The following BPIFB3 variants were observed in gnomAD, a reference collection of about 807,000 sequenced individuals.
BPIFB3 encodes BPI fold-containing family B member 3.
A neutral mutation model predicts 53.1 loss-of-function variants in BPIFB3; 49 were observed. The ratio of observed to expected loss-of-function variants is 0.92; its 90% CI spans 0.73 to 1.17. BPIFB3 has a LOEUF of 1.17. Among genes scored for constraint, BPIFB3 ranks in the 50% most tolerant of loss-of-function variants. The pLI is 0.00. For synonymous variants in BPIFB3, 271 were observed against 269.6 expected, an observed-to-expected ratio of 1.01 and a Z score of -0.05; for missense variants, 628 against 592.5, an observed-to-expected ratio of 1.06 and a Z score of -0.62.
rs967388207 is a variant in BPIFB3 at position 33,073,518 on chromosome 20, C to T, written c.1402-58C>T. The T allele has an allele frequency of 6.3e-6, 10 of 1,599,716 alleles. No individual in the cohort carries two copies. In the African/African-American group the frequency reaches 1.3e-4, roughly 21 times the overall value. ...CAGGGCAGGGGAGTAAAGATGGCTG[C>T]AGGGATGGGGCATTGCAGAGACTCA... On this transcript the variant is annotated intron_variant, in intron 14 of 14. Coordinates refer to ENST00000375494, the Ensembl canonical transcript of BPIFB3.
intron 9 of BPIFB3, among the ~76,000 whole-genome samples, chr20:33,068,309 T>TG (rs1980747306): frequency 6.6e-6 from 1 of 152,220 alleles, no homozygotes; most frequent in Non-Finnish European, 1.5e-5. Flanking sequence ...CATGGTGCTT[T>TG]GCAAGGCCTC....
Position 33,057,661 on chromosome 20 carries a change from C to T in BPIFB3, c.281+963C>T, listed in dbSNP as rs201519490. Among the ~76,000 whole-genome samples, 13 of 150,866 alleles carry T rather than the reference C, an allele frequency of 8.6e-5. No homozygotes were observed. In the South Asian group the frequency reaches 1.3e-3, roughly 15 times the overall value. ...TCCCTCACATAGGATTCCAGAACAC[C>T]GCTACTAGGGTATGAGTGTTTGTCC... On this transcript the variant is annotated intron_variant, in intron 2 of 14. Transcript: ENST00000375494.
intron 9 of BPIFB3, among the ~76,000 whole-genome samples, 163 bp downstream of exon 10, chr20:33,067,040 A>C (rs1980698922): frequency 6.6e-6 from 1 of 152,238 alleles, no homozygotes; most frequent in African/African-American, 2.4e-5. Context: ...TCCTTTCCTG[A>C]TAGCAGATTT....
exon 10 of BPIFB3, chr20:33,068,966 T>C (rs1238701533): frequency 1.2e-6 from 2 of 1,612,966 alleles, no homozygotes; most frequent in Non-Finnish European, 1.7e-6. Flanking sequence ...CTCTTTGAGC[T>C]GAACTCCGTG....
Position 33,072,808 on chromosome 20 carries a change from C to T in BPIFB3, c.1401+15C>T. 6.3e-7 allele frequency: 1 copy of T among 1,597,474 alleles called. No homozygotes were observed. Among genetic ancestry groups the T allele is most frequent in the Non-Finnish European group, 8.6e-7 (1 of 1,164,884 alleles). ...AGATCGTAGAGGTGAGCCTTCTCTG[C>T]AGATACGGCCCAGGTGGGCCTTAAG... is the stretch of plus-strand genomic sequence containing the variant. On this transcript the variant is annotated intron_variant, in intron 14 of 14. Coordinates refer to ENST00000375494, the Ensembl canonical transcript of BPIFB3.
At chr20:33,069,727 C>T (rs1304262062) in intron 10 of BPIFB3, among the ~76,000 whole-genome samples, 161 bp from the exon 12 acceptor site, 1 of 152,230 alleles carries the variant, frequency 6.6e-6, no homozygotes. Flanking sequence ...TTCAAGAAAA[C>T]AGCAAAACCT....
chr20:33,068,850 G>A (rs1332811830), exon 10 of BPIFB3: 3 of 1,613,854 alleles, frequency 1.9e-6, no homozygotes, highest in Non-Finnish European at 2.5e-6. Context: ...TGTTCCTGCG[G>A]GTGAGGGAAG....
chr20:33,067,688 G>C (rs942538747), intron 9 of BPIFB3, among the ~76,000 whole-genome samples: 5 of 152,338 alleles, frequency 3.3e-5, no homozygotes, highest in Admixed American at 6.5e-5. Context: ...GAGGGACATG[G>C]GGCAAGTGGA....
chr20:33,059,526 A>T, intron 3 of BPIFB3, 44 bp downstream of exon 4: 1 of 1,399,338 alleles, frequency 7.1e-7, no homozygotes, highest in Non-Finnish European at 9.9e-7. Context: ...TTCCTATCCC[A>T]CCCCCTGACC....
At chr20:33,063,413 G>T (rs1050401783) in intron 5 of BPIFB3, among the ~76,000 whole-genome samples, 7 of 152,168 alleles carry the variant, frequency 4.6e-5, no homozygotes, top group African/African-American at 1.7e-4. Flanking sequence ...AAGACAGCTT[G>T]GGGGCCACCC....
intron 1 of BPIFB3, among the ~76,000 whole-genome samples, chr20:33,055,768 T>G (rs540581621): frequency 6.6e-6 from 1 of 152,052 alleles, no homozygotes; most frequent in Non-Finnish European, 1.5e-5. Context: ...CTGGGTGATA[T>G]GGGCTGAGGC....
exon 1 of BPIFB3, chr20:33,055,428 A>C (rs1980149685): frequency 8.1e-6 from 13 of 1,613,576 alleles, no homozygotes; most frequent in Non-Finnish European, 1.1e-5. Flanking sequence ...ATAGGCATGC[A>C]GCCAGTCATG....
chr20:33,063,794 C>T (rs879600671), intron 6 of BPIFB3, 119 bp downstream of exon 7: 6 of 1,022,090 alleles, frequency 5.9e-6, no homozygotes, highest in Non-Finnish European at 8.5e-6. Context: ...TTTAGTTCCT[C>T]CTCACACTGA....
intron 9 of BPIFB3, among the ~76,000 whole-genome samples, chr20:33,067,291 T>TAA (rs1378050884): frequency 1.3e-5 from 2 of 152,210 alleles, no homozygotes; most frequent in Non-Finnish European, 2.9e-5. Flanking sequence ...CTAGTGGACA[T>TAA]AAGTACATGA....
At chr20:33,073,603 T>G in exon 15 of BPIFB3, 1 of 1,614,074 alleles carries the variant, frequency 6.2e-7, no homozygotes, top group Non-Finnish European at 8.5e-7. Flanking sequence ...CGTGGCATCC[T>G]GAGGCTGAGA....
At chr20:33,070,164 G>C (rs1980827265) in intron 11 of BPIFB3, among the ~76,000 whole-genome samples, 1 of 152,178 alleles carries the variant, frequency 6.6e-6, no homozygotes, top group African/African-American at 2.4e-5. Flanking sequence ...GCAGGCTCAA[G>C]AGTGGGCTTC....
intron 8 of BPIFB3, 60 bp from the exon 10 acceptor site, chr20:33,066,755 TCTGAGTGTG>T: frequency 1.3e-6 from 2 of 1,495,192 alleles, no homozygotes; most frequent in South Asian, 2.3e-5. Context: ...ACGAAACTGC[TCTGAGTGTG>T]CTGAGGGATT....
chr20:33,068,604 T>C (rs1980758353), intron 9 of BPIFB3, among the ~76,000 whole-genome samples, 199 bp from the exon 11 acceptor site: 3 of 152,102 alleles, frequency 2.0e-5, no homozygotes. Context: ...GGAAGTCTGA[T>C]TTGGCAGTCC....
intron 14 of BPIFB3, 81 bp downstream of exon 15, chr20:33,072,874 T>G: frequency 5.5e-6 from 6 of 1,083,880 alleles, no homozygotes; most frequent in African/African-American, 1.6e-5. Context: ...ATGAGGGGAA[T>G]GCTTTGCTTC....
Sources: gnomAD v4.1 joint callset for allele counts (sites outside exome capture counted in the v4.1 genomes callset) on GRCh38, gnomAD v4.1.1 for gene constraint, MANE v1.5 for transcripts, NCBI Gene and HGNC (gene_info 2026-07-23, HGNC 2026-07-21) for gene names.